The following LRRC27 variants were observed in gnomAD, a reference collection of about 807,000 sequenced individuals.
LRRC27 encodes the protein leucine-rich repeat-containing protein 27.
A neutral mutation model predicts 55.0 loss-of-function variants in LRRC27; 57 were observed. The observed-to-expected ratio is 1.04, with a 90% CI of 0.84 to 1.29. LRRC27 has a LOEUF of 1.29. LRRC27 is among the 50% of genes most tolerant of loss of function. The pLI, the probability that LRRC27 is intolerant of heterozygous loss-of-function variation, is 0.00. For missense variants in LRRC27, 721 were observed against 651.5 expected (o/e 1.11, Z -1.16); for synonymous variants, 278 against 251.9 (o/e 1.10, Z -0.98).
intron 7 of LRRC27, among the ~76,000 whole-genome samples, chr10:132,353,671 G>C (rs569625569): frequency 1.3e-5 from 2 of 152,188 alleles, no homozygotes; most frequent in Admixed American, 6.5e-5. Flanking sequence ...AAAGCCCATC[G>C]CTGTGGGACC....
chr10:132,335,478 G>A (rs560719550), intron 2 of LRRC27, among the ~76,000 whole-genome samples: 166 of 150,874 alleles, frequency 1.1e-3, no homozygotes, highest in Non-Finnish European at 1.9e-3. Context: ...AGTACTATGG[G>A]GGGGGGTCAC....
intron 8 of LRRC27, among the ~76,000 whole-genome samples, chr10:132,358,498 G>A (rs1322690808): frequency 1.4e-5 from 1 of 71,584 alleles, no homozygotes; most frequent in Non-Finnish European, 2.6e-5. Flanking sequence ...GAGCCGAGGT[G>A]GTGGAGCAGC....
chr10:132,336,857 G>A (rs1353417069), intron 2 of LRRC27: 2 of 733,682 alleles, frequency 2.7e-6, no homozygotes, highest in East Asian at 2.5e-5. Flanking sequence ...CAGCATTAAT[G>A]ACAGTATTGT....
chr10:132,333,415 G>A, intron 1 of LRRC27, 62 bp from the exon 2 acceptor site: 1 of 666,654 alleles, frequency 1.5e-6, no homozygotes. Flanking sequence ...CTGCCACACA[G>A]CTATTCTGTT....
intron 9 of LRRC27, among the ~76,000 whole-genome samples, chr10:132,364,859 T>TCACACC (rs2068977189): frequency 2.9e-4 from 1 of 3,500 alleles, no homozygotes; most frequent in Non-Finnish European, 1.3e-3. Context: ...GGCCCCACAC[T>TCACACC]CACGCAGACT....
intron 9 of LRRC27, among the ~76,000 whole-genome samples, chr10:132,364,367 TTACACCCACC>T (rs2068818885): frequency 5.5e-5 from 1 of 18,040 alleles, no homozygotes; most frequent in African/African-American, 3.1e-4. Context: ...ACACCCGCGC[TTACACCCACC>T]CACACTTACA....
chr10:132,348,960 C>G lies in LRRC27; in HGVS notation c.926+604C>G. 6.3e-7 allele frequency: 1 copy of G among 1,598,818 alleles called. No homozygotes were observed. Among genetic ancestry groups the G allele is most frequent in the Non-Finnish European group, 8.5e-7 (1 of 1,171,558 alleles). On this transcript the variant is annotated intron_variant, in intron 6 of 10. Coordinates refer to ENST00000368614, the MANE Select transcript of LRRC27 (RefSeq NM_030626.3). This position sits in a 1 kb window ranked among gnomAD's most constrained non-coding sequence, Gnocchi z 4.2. ...CGAGATTTTATTTTCCTTTCACACCCAGGACAAGGGTCCCTAGGAAACAGG... is the reference window on the plus strand; with the variant it reads ...CGAGATTTTATTTTCCTTTCACACCGAGGACAAGGGTCCCTAGGAAACAGG...
In LRRC27 at chr10:132,375,337, C is replaced by T. The variant is rs1181043210; in HGVS notation, c.*95C>T. 3 of 1,210,682 alleles carry T rather than the reference C, an allele frequency of 2.5e-6. No individual in the cohort carries two copies. The African/African-American group carries it at 4.6e-5, about 18-fold the overall frequency. The allele number at this position is 1,210,682 out of a possible 1,614,324, so 75.0% of individuals were successfully genotyped here. A position where few individuals can be genotyped will look rare whatever the true frequency, so the allele number is the denominator to read the frequency against. ...CTCCTGTGTGGTGCCGGAAGAGCGC[C>T]AGGTTCAGTGTTACCCTGAGGGCTG... On this transcript the variant is annotated 3_prime_UTR_variant, in exon 11 of 11. Transcript: ENST00000368614.
At chr10:132,334,243 TC>T (rs2067006480) in intron 2 of LRRC27, among the ~76,000 whole-genome samples, 1 of 152,212 alleles carries the variant, frequency 6.6e-6, no homozygotes, top group Admixed American at 6.5e-5. Context: ...AGTTGAGGGT[TC>T]CCCCTGCAGC....
chr10:132,348,095 G>C lies in LRRC27; in HGVS notation c.665G>C (p.Gly222Ala). 1 of 1,614,098 alleles carries C rather than the reference G, an allele frequency of 6.2e-7. No homozygotes were observed. The highest frequency in any genetic ancestry group is 8.5e-7 in the Non-Finnish European group (1 of 1,180,034). The change falls in exon 6 of 11, where the codon GGG (glycine) becomes GCG (alanine). Residue 222 changes from glycine (G) to alanine (A), a missense_variant. Physicochemically the swap from Gly to Ala is moderately conservative, Grantham distance 60. Transcript: ENST00000368614. The surrounding 1 kb of genome is among the most constrained non-coding windows in gnomAD (Gnocchi z 4.2). ...QGAVNAQDPE[G>A]AVMKEKASFL... Reference sequence around the variant, plus strand: ...GCTGTGAACGCTCAGGACCCAGAGGGGGCTGTGATGAAAGAGAAGGCCAGC... The same window carrying C: ...GCTGTGAACGCTCAGGACCCAGAGGCGGCTGTGATGAAAGAGAAGGCCAGC...
chr10:132,341,878 G>A (rs924563266), intron 3 of LRRC27, among the ~76,000 whole-genome samples: 1 of 152,220 alleles, frequency 6.6e-6, no homozygotes, highest in Non-Finnish European at 1.5e-5. Flanking sequence ...GGAGACTGTT[G>A]GCAATGTCTG....
chr10:132,351,594 T>A lies in LRRC27; in HGVS notation c.927-13T>A, dbSNP rs1382920586. The stretch of plus-strand genomic sequence containing the variant: ...TTGTTAAACATTCAGCTAAAAACAC[T>A]CTGTAATTTTAGAAGGAAGACAGCC... On this transcript the variant is annotated splice_polypyrimidine_tract_variant and intron_variant, in intron 6 of 10. Transcript: ENST00000368614. 1 of 1,608,698 alleles carries A rather than the reference T, an allele frequency of 6.2e-7. No individual in the cohort carries two copies. Among genetic ancestry groups the A allele is most frequent in the African/African-American group, 1.3e-5 (1 of 74,334 alleles).
chr10:132,339,076 C>T (rs1053484599), intron 3 of LRRC27, among the ~76,000 whole-genome samples: 4 of 152,168 alleles, frequency 2.6e-5, no homozygotes, highest in African/African-American at 9.7e-5. Context: ...GGCAGCAGCC[C>T]ATGCAGGAGG....
At chr10:132,342,183 T>A in intron 3 of LRRC27, 30 bp from the exon 4 acceptor site, 1 of 1,418,032 alleles carries the variant, frequency 7.1e-7, no homozygotes, top group Non-Finnish European at 9.5e-7. Context: ...TCTTGCTTTT[T>A]AAATTTTTTT....
chr10:132,333,409 C>T (rs2138568296), intron 1 of LRRC27, 68 bp from the exon 2 acceptor site: 2 of 616,516 alleles, frequency 3.2e-6, no homozygotes, highest in East Asian at 6.4e-5. Flanking sequence ...GTAGATCTGC[C>T]ACACAGCTAT....
chr10:132,330,427 T>TG (rs2066633290), upstream of LRRC27: 2 of 717,294 alleles, frequency 2.8e-6, no homozygotes, highest in African/African-American at 1.7e-5. Flanking sequence ...CTCCTTGCTC[T>TG]GCCCGGGTGG....
At chr10:132,344,453 G>A in intron 4 of LRRC27, 45 bp from the exon 5 acceptor site, 1 of 1,536,714 alleles carries the variant, frequency 6.5e-7, no homozygotes, top group East Asian at 2.3e-5. Context: ...TTCATTTCAA[G>A]AATGGTATAT....
In LRRC27 at chr10:132,347,993, C is replaced by T. The variant is rs748936646; in HGVS notation, c.563C>T (p.Pro188Leu). ...TTTCTTACTCTCCCAGAGGCTCCAC[C>T]GGTTAGAGAGATGACCCTCCGTGAC... ...PRNPTSQEAPPVREMTLRDLP... is the reference protein window; with the variant it reads ...PRNPTSQEAPLVREMTLRDLP... The change falls in exon 6 of 11, where the codon CCG (proline) becomes CTG (leucine). Residue 188 changes from proline (P) to leucine (L), a missense_variant. Transcript: ENST00000368614. The T allele has an allele frequency of 5.6e-6, 9 of 1,601,684 alleles. No homozygotes were observed. Among genetic ancestry groups the T allele is most frequent in the Admixed American group, 5.2e-5 (3 of 57,782 alleles).
intron 7 of LRRC27, 133 bp downstream of exon 7, chr10:132,351,886 C>T (rs1222824076): frequency 6.3e-6 from 7 of 1,113,384 alleles, no homozygotes; most frequent in South Asian, 3.2e-5. Context: ...ATCCAGGATC[C>T]GTCTCTTCCT....
Sources: allele counts gnomAD v4.1 joint callset (sites outside exome capture counted in the v4.1 genomes callset), GRCh38; gene constraint gnomAD v4.1.1; non-coding constraint Gnocchi (gnomAD v3.1); transcripts MANE v1.5; gene names NCBI Gene and HGNC (gene_info 2026-07-23, HGNC 2026-07-21).